Variants in GLYATL1 observed in about 807,000 individuals in gnomAD.
GLYATL1 encodes glycine-N-acyltransferase like 1, also known as glycine N-acyltransferase-like protein 1.
GLYATL1 carries 15 observed loss-of-function variants against 20.0 expected under a neutral mutation model. The observed-to-expected ratio is 0.75, with a 90% CI of 0.50 to 1.15. GLYATL1 has a LOEUF of 1.15. GLYATL1 is among the 50% of genes most tolerant of loss of function. GLYATL1 has a pLI of 0.00. For synonymous variants in GLYATL1, 151 were observed against 131.5 expected (o/e 1.15, Z -1.01); for missense variants, 380 against 368.5 (o/e 1.03, Z -0.26).
intron 4 of GLYATL1, among the ~76,000 whole-genome samples, chr11:58,950,878 T>C (rs1856943349): frequency 6.6e-6 from 1 of 152,198 alleles, no homozygotes; most frequent in Non-Finnish European, 1.5e-5. Flanking sequence ...CCTGTTTATA[T>C]TCTTTGACCA....
intron 1 of GLYATL1, among the ~76,000 whole-genome samples, chr11:58,919,367 A>G (rs1006362867): frequency 1.3e-5 from 2 of 152,184 alleles, no homozygotes; most frequent in African/African-American, 4.8e-5. Context: ...TGAGTTTCCT[A>G]ACAAAATTTC....
chr11:58,949,297 T>C (rs570681395), intron 4 of GLYATL1, among the ~76,000 whole-genome samples: 1 of 152,178 alleles, frequency 6.6e-6, no homozygotes, highest in South Asian at 2.1e-4. Flanking sequence ...TGGGTCAGGA[T>C]TCGGATGCAG....
downstream of GLYATL1, among the ~76,000 whole-genome samples, chr11:58,909,257 T>C (rs1407203824): frequency 2.0e-5 from 3 of 152,184 alleles, no homozygotes; most frequent in Non-Finnish European, 2.9e-5. Flanking sequence ...AAAACAGAGG[T>C]ATTAGTCAAG....
In GLYATL1 at chr11:58,954,850, G is replaced by T. The variant is rs7478799; in HGVS notation, c.267G>T (p.Leu89Phe). The change falls in exon 5 of 7, where the codon TTG becomes TTT. Residue 89 changes from leucine (L) to phenylalanine (F), a missense_variant. Leu to Phe is a conservative substitution (Grantham distance 22, BLOSUM62 0). Transcript: ENST00000532726. ...SKEPQKSEEV[L>F]KNCEIVNWKQ... Reference sequence around the variant, plus strand: ...AGCCTCAAAAATCAGAAGAAGTTTTGAAAAATTGTGAGATCGTAAACTGGA... The same window carrying T: ...AGCCTCAAAAATCAGAAGAAGTTTTTAAAAATTGTGAGATCGTAAACTGGA... The T allele has an allele frequency of 6.6e-5, 106 of 1,612,530 alleles. No individual in the cohort carries two copies. Among genetic ancestry groups the T allele is most frequent in the Non-Finnish European group, 8.6e-5 (101 of 1,179,570 alleles).
chr11:58,954,927 T>C lies in GLYATL1; in HGVS notation c.313+31T>C, dbSNP rs766121157. The C allele has an allele frequency of 1.9e-6, 3 of 1,593,456 alleles. No individual in the cohort carries two copies. The East Asian group carries it at 6.7e-5, about 36-fold the overall frequency. On this transcript the variant is annotated intron_variant, in intron 5 of 6. Transcript: ENST00000532726. ...GAGTCTGAAGAAATGGGCAAGCAGCTGTGCTTCTCAAATTGTGTCTTCAAC... is the reference window on the plus strand; with the variant it reads ...GAGTCTGAAGAAATGGGCAAGCAGCCGTGCTTCTCAAATTGTGTCTTCAAC...
intron 1 of GLYATL1, chr11:58,943,183 A>C: frequency 7.8e-7 from 1 of 1,289,090 alleles, no homozygotes; most frequent in Non-Finnish European, 1.0e-6. Context: ...GTAAACTGTA[A>C]CGTAGCTTAA....
At chr11:58,909,723 A>G (rs1854993306), downstream of GLYATL1, among the ~76,000 whole-genome samples, 3 of 152,222 alleles carry the variant, frequency 2.0e-5, no homozygotes. Flanking sequence ...CTAGACTGGT[A>G]AGGTAGTGTG....
In GLYATL1 at chr11:58,947,902, CA is replaced by C; in HGVS notation, c.124del (p.Met42TrpfsTer23). ...YHINHGNPFN[M>X]EVLVDSWPEY... ...ACATCAATCACGGGAACCCCTTCAA[CA>C]TGGAGGTGCTGGTGGATTCCTGGCC... On this transcript the variant is annotated frameshift_variant, in exon 4 of 7. Transcript: ENST00000532726. LOFTEE classifies it high-confidence loss of function. The C allele has an allele frequency of 6.2e-7, 1 of 1,614,008 alleles. No homozygotes were observed. Among genetic ancestry groups the C allele is most frequent in the Non-Finnish European group, 8.5e-7 (1 of 1,179,938 alleles).
chr11:58,954,838 A>G lies in GLYATL1; in HGVS notation c.255A>G (p.Ser85=). 6.2e-7 allele frequency: 1 copy of G among 1,613,060 alleles called. No individual in the cohort carries two copies. Among genetic ancestry groups the G allele is most frequent in the Non-Finnish European group, 8.5e-7 (1 of 1,179,384 alleles). ...TGTTCTCCAAAGAGCCTCAAAAATC[A>G]GAAGAAGTTTTGAAAAATTGTGAGA... The part of the protein sequence containing the change: ...YRMFSKEPQK[S]EEVLKNCEIV... Residue 85 remains serine, a synonymous_variant, in exon 5 of 7, where the codon TCA becomes TCG. Coordinates refer to ENST00000532726, the MANE Select transcript of GLYATL1 (RefSeq NM_001389712.2).
chr11:58,905,482 C>T (rs575131204), exon 1 of GLYATL1: 1 of 456,266 alleles, frequency 2.2e-6, no homozygotes, highest in Non-Finnish European at 4.4e-6. Flanking sequence ...GGCTATTCCC[C>T]TTGCAGCTCT....
At chr11:58,922,560 G>A (rs888153357) in intron 1 of GLYATL1, among the ~76,000 whole-genome samples, 1 of 152,132 alleles carries the variant, frequency 6.6e-6, no homozygotes, top group Non-Finnish European at 1.5e-5. Flanking sequence ...TCCCTCTCCG[G>A]TGAGACTGGG....
At chr11:58,931,843 C>G (rs979230796) in intron 1 of GLYATL1, among the ~76,000 whole-genome samples, 7 of 151,802 alleles carry the variant, frequency 4.6e-5, no homozygotes, top group African/African-American at 1.7e-4. Flanking sequence ...GAAAAATAAT[C>G]CAGTAGAAAA....
exon 2 of GLYATL1, chr11:58,907,620 A>G (rs935645869): frequency 4.8e-5 from 14 of 291,418 alleles, no homozygotes; most frequent in African/African-American, 2.8e-4. Flanking sequence ...ATCTGTCTCT[A>G]TTCACTGATG....
At position 58,956,253 on chromosome 11, in the gene GLYATL1, A is replaced by G. The variant is rs377390539; in HGVS notation, c.*226A>G. Reference sequence around the variant, plus strand: ...TATTCTTTAAATATGCTTAAGTGTTATAGGGAAAGACGGGGTTACCAGTAA... The same window carrying G: ...TATTCTTTAAATATGCTTAAGTGTTGTAGGGAAAGACGGGGTTACCAGTAA... On this transcript the variant is annotated 3_prime_UTR_variant, in exon 7 of 7. Transcript: ENST00000532726. 18 of 516,230 alleles carry G rather than the reference A, an allele frequency of 3.5e-5. No homozygotes were observed. Among genetic ancestry groups the G allele is most frequent in the East Asian group, 8.9e-5 (3 of 33,766 alleles). The allele number at this position is 516,230 out of a possible 1,614,324, so 32.0% of individuals were successfully genotyped here.
chr11:58,910,801 C>T (rs10896873), downstream of GLYATL1, among the ~76,000 whole-genome samples: 23,962 of 152,124 alleles, frequency 0.16, 2,040 homozygotes, highest in East Asian at 0.31. Context: ...TTTATTGTTT[C>T]GTTTACATTT....
intron 1 of GLYATL1, among the ~76,000 whole-genome samples, chr11:58,942,375 G>A (rs75455703): frequency 0.012 from 1,902 of 152,248 alleles, 45 homozygotes; most frequent in African/African-American, 0.044. Flanking sequence ...AAGATAGTCA[G>A]GAGAAAAGGC....
chr11:58,914,745 T>C (rs1855131108), intron 1 of GLYATL1, among the ~76,000 whole-genome samples: 2 of 152,178 alleles, frequency 1.3e-5, no homozygotes. Context: ...TTCCAGCCAG[T>C]GAGGATGGCA....
chr11:58,954,028 T>C (rs932600844), intron 4 of GLYATL1, among the ~76,000 whole-genome samples: 1 of 152,208 alleles, frequency 6.6e-6, no homozygotes, highest in African/African-American at 2.4e-5. Flanking sequence ...CATTCTATTT[T>C]GTGGGCTTCT....
At chr11:58,934,837 G>A (rs1268354442), upstream of GLYATL1, 1 of 152,398 alleles carries the variant, frequency 6.6e-6, no homozygotes, top group Non-Finnish European at 1.5e-5. Flanking sequence ...CTGCCAACCT[G>A]GAAATGGGGT....
Sources: allele counts gnomAD v4.1 joint callset (sites outside exome capture counted in the v4.1 genomes callset), GRCh38; gene constraint gnomAD v4.1.1; transcripts MANE v1.5; gene names NCBI Gene and HGNC (gene_info 2026-07-23, HGNC 2026-07-21).